The following SEMA7A variants were observed in gnomAD, a reference collection of about 807,000 sequenced individuals.
SEMA7A encodes the protein semaphorin-7A.
In SEMA7A, 21 loss-of-function variants were observed where a neutral mutation model predicts 67.5. The observed-to-expected ratio is 0.31, with a 90% confidence interval of 0.22 to 0.45. The LOEUF (loss-of-function observed/expected upper bound fraction) is 0.45, where lower values mean the gene tolerates loss of function less well. Among genes scored for constraint, SEMA7A ranks in the 20% least tolerant of loss-of-function variants. The pLI, the probability that SEMA7A is intolerant of heterozygous loss-of-function variation, is 1.00. For synonymous variants in SEMA7A, 364 were observed against 368.5 expected (o/e 0.99, Z 0.14); for missense variants, 774 against 908.6 (o/e 0.85, Z 1.90).
Position 74,415,869 on chromosome 15 carries a change from G to A in SEMA7A, c.918C>T (p.Val306=), listed in dbSNP as rs1222709997. The A allele has an allele frequency of 6.2e-7, 1 of 1,614,122 alleles. No homozygotes were observed. The highest frequency in any genetic ancestry group is 2.2e-5 in the East Asian group (1 of 44,884). Residue 306 remains valine, a synonymous_variant, in exon 8 of 14, where the codon GTC becomes GTT. Coordinates refer to ENST00000261918, the MANE Select transcript of SEMA7A (RefSeq NM_003612.5). ...TNKNFNRLQD[V]FLLPDPSGQW... ...GGCCGCTGGGGTCAGGGAGCAGGAAGACGTCTTGCAGCCTGTTGAAGTTCT... is the reference window on the plus strand; with the variant it reads ...GGCCGCTGGGGTCAGGGAGCAGGAAAACGTCTTGCAGCCTGTTGAAGTTCT...
At position 74,417,322 on chromosome 15, in the gene SEMA7A, G is replaced by C. The variant is rs1287538517; in HGVS notation, c.661+13C>G. On this transcript the variant is annotated intron_variant, in intron 6 of 13. Transcript: ENST00000261918. The stretch of plus-strand genomic sequence containing the variant: ...CCCTTGCCCACCCTCAGCCCAGCCG[G>C]AGCCTGACTCACTCTGCATGACAGT... The C allele has an allele frequency of 6.2e-7, 1 of 1,608,246 alleles. No homozygotes were observed. The highest frequency in any genetic ancestry group is 1.3e-5 in the African/African-American group (1 of 74,920).
In SEMA7A at chr15:74,410,696, A is replaced by G. The variant is rs1269614475; in HGVS notation, c.1929T>C (p.His643=). The change falls in exon 14 of 14, where the codon CAT becomes CAC. Residue 643 remains histidine (H), a synonymous_variant. Coordinates refer to ENST00000261918, the MANE Select transcript of SEMA7A (RefSeq NM_003612.5). The surrounding 1 kb of genome is among the most constrained non-coding windows in gnomAD (Gnocchi z 7.5). ...DGIMAEHLLG[H]ACALAASLWL... is the part of the protein sequence containing the mutation. ...AGAGGGAGGCGGCCAGGGCACAGGC[A>G]TGACCCAGCAGGTGCTCGGCCATGA... 1.2e-6 allele frequency: 2 copies of G among 1,613,558 alleles called. No homozygotes were observed. Among genetic ancestry groups the G allele is most frequent in the Non-Finnish European group, 1.7e-6 (2 of 1,179,744 alleles).
chr15:74,413,685 A>G (rs2060921082), intron 10 of SEMA7A, among the ~76,000 whole-genome samples: 1 of 152,156 alleles, frequency 6.6e-6, no homozygotes. Flanking sequence ...CCTGTGGGAA[A>G]TTCCTCTCCC....
chr15:74,410,623 C>T lies in SEMA7A; in HGVS notation c.*1G>A. ...TGAGGCATGCCCAGCCTCGGGAGGC[C>T]CTAGTGGACCAGCAAGCCAAGAGTG... On this transcript the variant is annotated 3_prime_UTR_variant, in exon 14 of 14. Transcript: ENST00000261918. This position sits in a 1 kb window ranked among gnomAD's most constrained non-coding sequence, Gnocchi z 7.5. 1 of 1,580,964 alleles carries T rather than the reference C, an allele frequency of 6.3e-7. No homozygotes were observed. The highest frequency in any genetic ancestry group is 8.6e-7 in the Non-Finnish European group (1 of 1,160,056).
chr15:74,411,213 G>A lies in SEMA7A; in HGVS notation c.1639+82C>T. ...CCTGGGGCCCACAGGACAAGGCCAT[G>A]TCTCCCTCAGACCAGGACAATCAGG... On this transcript the variant is annotated intron_variant, in intron 13 of 13. Transcript: ENST00000261918. This position sits in a 1 kb window ranked among gnomAD's most constrained non-coding sequence, Gnocchi z 4.4. 1 of 1,478,420 alleles carries A rather than the reference G, an allele frequency of 6.8e-7. No homozygotes were observed. Among genetic ancestry groups the A allele is most frequent in the Non-Finnish European group, 9.3e-7 (1 of 1,078,626 alleles). The allele number at this position is 1,478,420 out of a possible 1,614,324, so 91.6% of individuals were successfully genotyped here.
chr15:74,417,245 G>A (rs575906027), intron 6 of SEMA7A, 90 bp downstream of exon 6: 2 of 1,039,592 alleles, frequency 1.9e-6, no homozygotes, highest in South Asian at 1.3e-5. Context: ...GGCCCTCAGG[G>A]AGCCCTCCCA....
chr15:74,418,210 G>A (rs773161617), intron 3 of SEMA7A, 58 bp downstream of exon 3: 9 of 1,541,200 alleles, frequency 5.8e-6, no homozygotes, highest in Non-Finnish European at 8.1e-6. Flanking sequence ...AGACCCTCAG[G>A]GTCTCCTCTC....
At chr15:74,421,293 G>A (rs1400117441) in intron 1 of SEMA7A, among the ~76,000 whole-genome samples, 1 of 152,102 alleles carries the variant, frequency 6.6e-6, no homozygotes, top group African/African-American at 2.4e-5. Context: ...TCTTAGCATG[G>A]ACCCCAGGGC....
chr15:74,415,068 T>G, intron 8 of SEMA7A, 122 bp from the exon 9 acceptor site: 1 of 758,136 alleles, frequency 1.3e-6, no homozygotes, highest in Admixed American at 2.1e-5. Flanking sequence ...TGGGGAGGGA[T>G]GGAGAGGAGG....
rs754801710 is a variant in SEMA7A, at chr15:74,411,868, A to G, written c.1422+17T>C. 3.7e-6 allele frequency: 6 copies of G among 1,613,286 alleles called. No homozygotes were observed. The highest frequency in any genetic ancestry group is 5.1e-6 in the Non-Finnish European group (6 of 1,179,888). On this transcript the variant is annotated intron_variant, in intron 11 of 13. Coordinates refer to ENST00000261918, the MANE Select transcript of SEMA7A (RefSeq NM_003612.5). The surrounding 1 kb of genome is among the most constrained non-coding windows in gnomAD (Gnocchi z 4.4). Reference sequence around the variant, plus strand: ...AGTCACTGCATAGCCCATGGGACGCAGTGGGGGAAGGCTCACCCGCTCAGC... The same window carrying G: ...AGTCACTGCATAGCCCATGGGACGCGGTGGGGGAAGGCTCACCCGCTCAGC...
intron 1 of SEMA7A, among the ~76,000 whole-genome samples, chr15:74,422,874 T>TAA (rs1325633050): frequency 6.6e-6 from 1 of 152,180 alleles, no homozygotes; most frequent in Non-Finnish European, 1.5e-5. Context: ...TGGCCCGCTG[T>TAA]CCCCATACTC....
intron 4 of SEMA7A, 94 bp downstream of exon 4, chr15:74,417,783 A>T (rs2060964664): frequency 3.9e-6 from 6 of 1,550,580 alleles, no homozygotes; most frequent in Non-Finnish European, 4.4e-6. Context: ...CAAGGCCAGC[A>T]TTGGAGTCTC....
At chr15:74,419,091 G>A (rs2060977887) in intron 1 of SEMA7A, 139 bp from the exon 2 acceptor site, 11 of 957,216 alleles carry the variant, frequency 1.1e-5, no homozygotes, top group African/African-American at 1.6e-5. Flanking sequence ...CTGGGCTGGG[G>A]TGGTACCCAG....
At chr15:74,422,277 C>T (rs1045401315) in intron 1 of SEMA7A, among the ~76,000 whole-genome samples, 10 of 152,016 alleles carry the variant, frequency 6.6e-5, no homozygotes, top group Non-Finnish European at 1.2e-4. Flanking sequence ...CCCTGCTTCC[C>T]ATCCTGCTTG....
chr15:74,414,765 C>T lies in SEMA7A; in HGVS notation c.1096-20G>A. On this transcript the variant is annotated intron_variant, in intron 9 of 13. Transcript: ENST00000261918. This position sits in a 1 kb window ranked among gnomAD's most constrained non-coding sequence, Gnocchi z 4.1. ...GAGGCACTGGGCAAGGAGAGCAGGCCCAGGTCAGTGGGGTGGTGGGAGGTG... is the reference window on the plus strand; with the variant it reads ...GAGGCACTGGGCAAGGAGAGCAGGCTCAGGTCAGTGGGGTGGTGGGAGGTG... 6.2e-7 allele frequency: 1 copy of T among 1,614,008 alleles called. No individual in the cohort carries two copies. The highest frequency in any genetic ancestry group is 8.5e-7 in the Non-Finnish European group (1 of 1,180,002).
intron 1 of SEMA7A, among the ~76,000 whole-genome samples, chr15:74,431,581 A>G (rs1444842697): frequency 2.6e-5 from 4 of 152,212 alleles, no homozygotes; most frequent in African/African-American, 9.6e-5. Flanking sequence ...ATTCCTGGAT[A>G]CCACCATACT....
intron 1 of SEMA7A, among the ~76,000 whole-genome samples, chr15:74,432,578 G>C (rs185866394): frequency 8.3e-4 from 126 of 152,260 alleles, no homozygotes; most frequent in African/African-American, 3.0e-3. Flanking sequence ...GCGGCAGTTC[G>C]GGCCACTCGT....
intron 1 of SEMA7A, 49 bp downstream of exon 1, chr15:74,433,692 C>A (rs760680373): frequency 1.9e-5 from 26 of 1,379,822 alleles, no homozygotes; most frequent in South Asian, 8.2e-5. Context: ...CGCACCCGCC[C>A]CGCGCAGCGT....
At position 74,411,076 on chromosome 15, in the gene SEMA7A, A is replaced by C; in HGVS notation, c.1640-91T>G. The stretch of plus-strand genomic sequence containing the variant: ...CCCCACGGACTGGGATCCCAGGACA[A>C]GGCTTCTGAATGAACGTGGGGAACC... On this transcript the variant is annotated intron_variant, in intron 13 of 13. Transcript: ENST00000261918. This position sits in a 1 kb window ranked among gnomAD's most constrained non-coding sequence, Gnocchi z 4.4. The C allele has an allele frequency of 6.6e-7, 1 of 1,518,634 alleles. No homozygotes were observed. Among genetic ancestry groups the C allele is most frequent in the Non-Finnish European group, 8.8e-7 (1 of 1,134,852 alleles). 94.1% of individuals were successfully genotyped at this position (1,518,634 alleles called of 1,614,324 possible).
Sources: gnomAD v4.1 joint callset for allele counts (sites outside exome capture counted in the v4.1 genomes callset) on GRCh38, gnomAD v4.1.1 for gene constraint, Gnocchi (gnomAD v3.1) non-coding constraint, MANE v1.5 for transcripts, NCBI Gene and HGNC (gene_info 2026-07-23, HGNC 2026-07-21) for gene names.